RPTOR: variants seen among roughly 807,000 people sequenced by gnomAD.
RPTOR encodes the protein regulatory associated protein of MTOR complex 1.
In RPTOR, 21 loss-of-function variants were observed where a neutral mutation model predicts 169.9. That is an observed-to-expected ratio of 0.12 (90% CI 0.09 to 0.18). The LOEUF is 0.18. Among genes scored for constraint, RPTOR ranks in the 10% least tolerant of loss-of-function variants. The probability of loss-of-function intolerance (pLI) is 1.00; values close to 1 mark genes in which losing one functional copy is unlikely to be tolerated. For synonymous variants in RPTOR, 732 were observed against 753.2 expected, an observed-to-expected ratio of 0.97 and a Z score of 0.46; for missense variants, 1,133 against 1,855.9, an observed-to-expected ratio of 0.61 and a Z score of 7.16.
In RPTOR at chr17:80,642,647, A is replaced by G. The variant is rs117725908; in HGVS notation, c.266-1081A>G. Among the ~76,000 whole-genome samples the G allele has an allele frequency of 3.7e-3, 557 of 152,376 alleles. 5 individuals are homozygous for G. The highest frequency in any genetic ancestry group is 0.014 in the Middle Eastern group (4 of 294). On this transcript the variant is annotated intron_variant, in intron 2 of 33. Transcript: ENST00000306801. ...GCAGTGAATTTTAATGTCATAGCATACAAAAAGTTCGTTGATGTGGTTTCA... is the reference window on the plus strand; with the variant it reads ...GCAGTGAATTTTAATGTCATAGCATGCAAAAAGTTCGTTGATGTGGTTTCA...
At chr17:80,943,930 A>G (rs4999609) in intron 25 of RPTOR, among the ~76,000 whole-genome samples, 92,029 of 152,142 alleles carry the variant, frequency 0.6, 28,198 homozygotes, top group African/African-American at 0.68. Flanking sequence ...CAGAGGCCAC[A>G]CAGGTGACCG....
intron 1 of RPTOR, among the ~76,000 whole-genome samples, chr17:80,586,030 T>G (rs1057339879): frequency 3.9e-5 from 6 of 152,150 alleles, no homozygotes; most frequent in African/African-American, 1.4e-4. Context: ...TTTCCACATC[T>G]GTCACAATGT....
At chr17:80,811,532 C>T (rs9894886) in intron 7 of RPTOR, among the ~76,000 whole-genome samples, 2 of 146,046 alleles carry the variant, frequency 1.4e-5, no homozygotes, top group African/African-American at 2.5e-5. Context: ...GAGACAGCCA[C>T]GCCCTCTCCA....
At chr17:80,630,618 A>T (rs1358785586) in intron 2 of RPTOR, among the ~76,000 whole-genome samples, 6 of 152,250 alleles carry the variant, frequency 3.9e-5, no homozygotes, top group Admixed American at 3.9e-4. Flanking sequence ...AAGTTAGCTG[A>T]TTGTGGATGT....
rs935751456 is a variant in RPTOR at position 80,965,079 on chromosome 17, A to T, written c.*749A>T. The stretch of plus-strand genomic sequence containing the variant: ...TCAGCAGGGGCCGCTGTGGCGGTGC[A>T]CAGGGGAGGCAGGTCCTTGGCGAGG... On this transcript the variant is annotated 3_prime_UTR_variant, in exon 34 of 34. Transcript: ENST00000306801. The T allele has an allele frequency of 4.7e-5, 11 of 233,298 alleles. No individual in the cohort carries two copies. The highest frequency in any genetic ancestry group is 9.3e-5 in the Non-Finnish European group (11 of 118,058). 14.5% of individuals were successfully genotyped at this position (233,298 alleles called of 1,614,324 possible).
intron 24 of RPTOR, among the ~76,000 whole-genome samples, chr17:80,928,722 C>A (rs1037490438): frequency 1.3e-5 from 2 of 152,172 alleles, no homozygotes; most frequent in Non-Finnish European, 2.9e-5. Context: ...ACATTAGAAA[C>A]CACAAAAGAA....
intron 5 of RPTOR, among the ~76,000 whole-genome samples, chr17:80,731,867 CAT>C (rs1413622378): frequency 2.0e-5 from 3 of 152,302 alleles, no homozygotes; most frequent in African/African-American, 4.8e-5. Context: ...TTCACATTAA[CAT>C]GTGTACAGTT....
chr17:80,837,138 G>T (rs1242859059), intron 9 of RPTOR, among the ~76,000 whole-genome samples: 1 of 152,136 alleles, frequency 6.6e-6, no homozygotes, highest in Non-Finnish European at 1.5e-5. Flanking sequence ...GTCCAAGGGG[G>T]AGAACTCAAG....
At chr17:80,672,114 G>T (rs2065826353) in intron 3 of RPTOR, among the ~76,000 whole-genome samples, 1 of 152,192 alleles carries the variant, frequency 6.6e-6, no homozygotes. Context: ...TTCTGACTCG[G>T]ATACTGGAGA....
At chr17:80,782,298 A>G (rs1456100183) in intron 6 of RPTOR, among the ~76,000 whole-genome samples, 1 of 152,222 alleles carries the variant, frequency 6.6e-6, no homozygotes, top group Non-Finnish European at 1.5e-5. Context: ...CTTTATATAG[A>G]AAGAACAAGT....
chr17:80,700,500 AGATGATGGT>A (rs2066078693), intron 3 of RPTOR, among the ~76,000 whole-genome samples: 1 of 70,658 alleles, frequency 1.4e-5, no homozygotes. Flanking sequence ...GTGATGGTAG[AGATGATGGT>A]GATGGTGATG....
In RPTOR at chr17:80,844,896, G is replaced by A. The variant is rs1044444991; in HGVS notation, c.1213-1577G>A. On this transcript the variant is annotated intron_variant, in intron 10 of 33. Transcript: ENST00000306801. The surrounding 1 kb of genome is among the most constrained non-coding windows in gnomAD (Gnocchi z 4.7). Reference sequence around the variant, plus strand: ...TCTCAGAGACACGCACCTCCACTGCGGCCACCCACCTTCCCCCCGAGCAAA... The same window carrying A: ...TCTCAGAGACACGCACCTCCACTGCAGCCACCCACCTTCCCCCCGAGCAAA... Among the ~76,000 whole-genome samples the A allele has an allele frequency of 2.6e-5, 4 of 152,068 alleles. No homozygotes were observed. The highest frequency in any genetic ancestry group is 4.4e-5 in the Non-Finnish European group (3 of 68,006).
chr17:80,780,728 G>T (rs183838660), intron 6 of RPTOR, among the ~76,000 whole-genome samples: 15 of 152,292 alleles, frequency 9.8e-5, no homozygotes, highest in Admixed American at 7.8e-4. Context: ...TTCCTTCTTA[G>T]CCTGTGGCAG....
intron 24 of RPTOR, among the ~76,000 whole-genome samples, chr17:80,935,282 A>G (rs2068942032): frequency 6.6e-6 from 1 of 152,242 alleles, no homozygotes; most frequent in South Asian, 2.1e-4. Context: ...AGTTCTCCCT[A>G]AATTGATACA....
intron 1 of RPTOR, among the ~76,000 whole-genome samples, chr17:80,624,862 A>G (rs9914854): frequency 0.75 from 114,211 of 152,038 alleles, 43,882 homozygotes; most frequent in African/African-American, 0.9. Context: ...TTGAGTCTCT[A>G]GCCCACTGAG....
At chr17:80,855,249 T>C (rs188467350) in intron 11 of RPTOR, among the ~76,000 whole-genome samples, 13 of 152,384 alleles carry the variant, frequency 8.5e-5, no homozygotes, top group Admixed American at 7.8e-4. Context: ...ATTGAGCATC[T>C]TTTATCTGTG....
rs543610251 is a variant in RPTOR at position 80,574,290 on chromosome 17, G to A, written c.162+28499G>A. On this transcript the variant is annotated intron_variant, in intron 1 of 33. Coordinates refer to ENST00000306801, the MANE Select transcript of RPTOR (RefSeq NM_020761.3). ...CGCCATTCTCCTGCCTCAGCCTCCC[G>A]AGTAGCTGGGACTACAGGCGCCCGC... Among the ~76,000 whole-genome samples, 362 of 148,644 alleles carry A rather than the reference G, an allele frequency of 2.4e-3. 1 individual carries two copies. Among genetic ancestry groups the A allele is most frequent in the Admixed American group, 5.7e-3 (85 of 14,878 alleles).
At position 80,954,922 on chromosome 17, in the gene RPTOR, AAAAG is replaced by A. The variant is rs370013508; in HGVS notation, c.3371-2682_3371-2679del. On this transcript the variant is annotated intron_variant, in intron 28 of 33. Coordinates refer to ENST00000306801, the MANE Select transcript of RPTOR (RefSeq NM_020761.3). ...AAAGTGTGAGACTACATCTCAAAAA[AAAAG>A]AAAGAAAGAAAGAAAGAAATCATAG... Among the ~76,000 whole-genome samples, 393 of 152,330 alleles carry A rather than the reference AAAAG, an allele frequency of 2.6e-3. 2 individuals are homozygous for A. The South Asian group carries it at 0.027, about 11-fold the overall frequency.
At chr17:80,737,771 G>A (rs2066445732) in intron 5 of RPTOR, among the ~76,000 whole-genome samples, 2 of 151,558 alleles carry the variant, frequency 1.3e-5, no homozygotes, top group African/African-American at 4.9e-5. Context: ...TATAGTTGAA[G>A]CACATATATT....
Sources: gnomAD v4.1 joint callset for allele counts (sites outside exome capture counted in the v4.1 genomes callset) on GRCh38, gnomAD v4.1.1 for gene constraint, Gnocchi (gnomAD v3.1) non-coding constraint, MANE v1.5 for transcripts, NCBI Gene and HGNC (gene_info 2026-07-23, HGNC 2026-07-21) for gene names.